The following SFPQ variants were observed in gnomAD, a reference collection of about 807,000 sequenced individuals.
SFPQ encodes the protein splicing factor, proline- and glutamine-rich.
A neutral mutation model predicts 72.9 loss-of-function variants in SFPQ; 11 were observed. The observed-to-expected ratio is 0.15, with a 90% CI of 0.09 to 0.25. The LOEUF is 0.25. Ranked by LOEUF, SFPQ falls within the 10% of genes least tolerant of loss-of-function variation. The probability of loss-of-function intolerance (pLI) is 1.00; values close to 1 mark genes in which losing one functional copy is unlikely to be tolerated. For synonymous variants in SFPQ, 506 were observed against 367.3 expected (o/e 1.38, Z -4.32); for missense variants, 847 against 993.3 (o/e 0.85, Z 1.98).
rs1640081435 is a variant in SFPQ, at chr1:35,192,584, C to A, written c.466G>T (p.Ala156Ser). ...GCCCCGGGAGGGGCCGAGGTGACTG[C>A]AGGCGGCGGGGTCGGAGTCGGGCCT... is the stretch of plus-strand genomic sequence containing the variant. ...GPGPTPTPPPAVTSAPPGAPP... is the reference protein window; with the variant it reads ...GPGPTPTPPPSVTSAPPGAPP... Residue 156 changes from alanine to serine, a missense_variant, in exon 1 of 10, where the codon GCA becomes TCA. Coordinates refer to ENST00000357214, the MANE Select transcript of SFPQ (RefSeq NM_005066.3). 1 of 1,337,272 alleles carries A rather than the reference C, an allele frequency of 7.5e-7. No individual in the cohort carries two copies. Among genetic ancestry groups the A allele is most frequent in the Non-Finnish European group, 9.5e-7 (1 of 1,050,432 alleles). 82.8% of individuals were successfully genotyped at this position (1,337,272 alleles called of 1,614,324 possible).
rs1640084294 is a variant in SFPQ, at chr1:35,192,617, A to C, written c.433T>G (p.Ser145Ala). ...GGGGTCGGAGTCGGGCCTGGCCCGG[A>C]CCCTGGCGGGGCCCCCGAGGTTGGT... ...TPPTSGAPPG[S>A]GPGPTPTPPP... Residue 145 changes from serine (S) to alanine (A), a missense_variant, in exon 1 of 10, where the codon TCC becomes GCC. Physicochemically the swap from Ser to Ala is moderately conservative, Grantham distance 99. Transcript: ENST00000357214. 1 of 1,368,376 alleles carries C rather than the reference A, an allele frequency of 7.3e-7. No individual in the cohort carries two copies. The highest frequency in any genetic ancestry group is 1.5e-5 in the African/African-American group (1 of 64,946). The allele number at this position is 1,368,376 out of a possible 1,614,324, so 84.8% of individuals were successfully genotyped here.
chr1:35,192,258 G>A lies in SFPQ; in HGVS notation c.792C>T (p.Pro264=), dbSNP rs969006575. Reference sequence around the variant, plus strand: ...AGATCTTCTCCTCGCTGCGGCCGCCGGGCCCGCCGGGCGGGGGCCCCTGGT... The same window carrying A: ...AGATCTTCTCCTCGCTGCGGCCGCCAGGCCCGCCGGGCGGGGGCCCCTGGT... ...QHHQGPPPGG[P]GGRSEEKISD... The change falls in exon 1 of 10, where the codon CCC becomes CCT. Residue 264 remains proline (P), a synonymous_variant. Transcript: ENST00000357214. 12 of 1,463,076 alleles carry A rather than the reference G, an allele frequency of 8.2e-6. No homozygotes were observed. Among genetic ancestry groups the A allele is most frequent in the East Asian group, 6.2e-5 (2 of 32,454 alleles). The allele number at this position is 1,463,076 out of a possible 1,614,324, so 90.6% of individuals were successfully genotyped here. A position where few individuals can be genotyped will look rare whatever the true frequency, so the allele number is the denominator to read the frequency against.
intron 9 of SFPQ, among the ~76,000 whole-genome samples, chr1:35,185,941 A>G (rs1401260381): frequency 6.6e-6 from 1 of 152,242 alleles, no homozygotes; most frequent in Non-Finnish European, 1.5e-5. Context: ...TAGATTTTAC[A>G]CATTACCTAA....
At chr1:35,179,270 A>G (rs917465561), downstream of SFPQ, 92 of 1,060,336 alleles carry the variant, frequency 8.7e-5, no homozygotes, top group Non-Finnish European at 1.0e-4. Context: ...CATTAAGGTT[A>G]AAAGTCCAAA....
chr1:35,184,249 AG>A lies in SFPQ; in HGVS notation c.*206del, dbSNP rs1639607307. On this transcript the variant is annotated 3_prime_UTR_variant, in exon 10 of 10. Transcript: ENST00000357214. ...TTATACAGTAAAAAAGAAAAAATAA[AG>A]AAATAAAAAGGAAAAAAAAATTCTC... 3 of 1,337,770 alleles carry A rather than the reference AG, an allele frequency of 2.2e-6. No individual in the cohort carries two copies. The highest frequency in any genetic ancestry group is 2.8e-6 in the Non-Finnish European group (3 of 1,053,102). The allele number at this position is 1,337,770 out of a possible 1,614,324, so 82.9% of individuals were successfully genotyped here.
In SFPQ at chr1:35,192,750, C is replaced by T. The variant is rs562788087; in HGVS notation, c.300G>A (p.Pro100=). ...GCTTGGAAGAGTCCTGCGGCGGTGG[C>T]GGCGGCTGCTGCTGCTGATGCGGCT... ...HPQPHQQQQP[P]PPPQDSSKPV... The change falls in exon 1 of 10, where the codon CCG becomes CCA. Residue 100 remains proline (P), a synonymous_variant. Transcript: ENST00000357214. 75 of 1,494,346 alleles carry T rather than the reference C, an allele frequency of 5.0e-5. 1 individual carries two copies. In the East Asian group the frequency reaches 1.7e-3, roughly 34 times the overall value. The allele number at this position is 1,494,346 out of a possible 1,614,324, so 92.6% of individuals were successfully genotyped here. A position where few individuals can be genotyped will look rare whatever the true frequency, so the allele number is the denominator to read the frequency against.
downstream of SFPQ, chr1:35,181,201 T>C (rs1639451493): frequency 2.8e-6 from 3 of 1,065,364 alleles, no homozygotes; most frequent in African/African-American, 1.6e-5. Flanking sequence ...CTAATGTCCA[T>C]TGCCATTTGC....
Position 35,187,198 on chromosome 1 carries a change from C to G in SFPQ, c.1864+5G>C, listed in dbSNP as rs764864655. ...TTATATCATTAATTTAAATTTCACACTTACCTCCCATGTTCATTGCTCCTC... is the reference window on the plus strand; with the variant it reads ...TTATATCATTAATTTAAATTTCACAGTTACCTCCCATGTTCATTGCTCCTC... On this transcript the variant is annotated splice_donor_5th_base_variant and intron_variant, in intron 8 of 9. Transcript: ENST00000357214. 1.9e-6 allele frequency: 3 copies of G among 1,614,002 alleles called. No individual in the cohort carries two copies. In the African/African-American group the frequency reaches 4.0e-5, roughly 22 times the overall value.
At chr1:35,179,368 T>G (rs1639374702), downstream of SFPQ, 1 of 1,057,138 alleles carries the variant, frequency 9.5e-7, no homozygotes, top group Non-Finnish European at 1.1e-6. Flanking sequence ...GAGCACCCAT[T>G]GCATTTCTTT....
chr1:35,184,180 G>A lies in SFPQ; in HGVS notation c.*276C>T. 4 of 1,164,958 alleles carry A rather than the reference G, an allele frequency of 3.4e-6. No individual in the cohort carries two copies. The highest frequency in any genetic ancestry group is 2.1e-6 in the Non-Finnish European group (2 of 946,746). 72.2% of individuals were successfully genotyped at this position (1,164,958 alleles called of 1,614,324 possible). ...AAAAAAAAAAAATTGGTACACTTTG[G>A]AAATTCAGTGGCACAAGGTACACTG... On this transcript the variant is annotated 3_prime_UTR_variant, in exon 10 of 10. Coordinates refer to ENST00000357214, the MANE Select transcript of SFPQ (RefSeq NM_005066.3).
At chr1:35,179,699 A>G, downstream of SFPQ, 1 of 1,057,188 alleles carries the variant, frequency 9.5e-7, no homozygotes, top group African/African-American at 1.6e-5. Context: ...GAAAGTGAAC[A>G]GGGTAAGGCA....
downstream of SFPQ, chr1:35,180,658 A>G: frequency 9.5e-7 from 1 of 1,054,228 alleles, no homozygotes; most frequent in African/African-American, 1.7e-5. Flanking sequence ...CTGTACTTTT[A>G]GTTCAACTCA....
In SFPQ at chr1:35,188,077, G is replaced by T. The variant is rs770409848; in HGVS notation, c.1711C>A (p.Arg571=). Residue 571 remains arginine (R), a synonymous_variant, in exon 7 of 10, where the codon CGA becomes AGA. Transcript: ENST00000357214. ...KEMQLRQEEE[R]RRREEEMMIR... The stretch of plus-strand genomic sequence containing the variant: ...ATCATCTCTTCCTCTCTTCTACGTC[G>T]TTCCTCCTCTTGCCTAGAAATACCC... The T allele has an allele frequency of 6.2e-7, 1 of 1,612,486 alleles. No homozygotes were observed.
In SFPQ at chr1:35,183,438, T is replaced by G. The variant is rs968686818; in HGVS notation, c.*1018A>C. On this transcript the variant is annotated 3_prime_UTR_variant, in exon 10 of 10. Transcript: ENST00000357214. ...TTCACCATGTTGGCCAGGCTGGTCT[T>G]GAACTCCTGATCTCATGATTTGCCC... 4.3e-6 allele frequency: 2 copies of G among 460,074 alleles called. No individual in the cohort carries two copies. Among genetic ancestry groups the G allele is most frequent in the Non-Finnish European group, 5.8e-6 (2 of 343,766 alleles). The allele number at this position is 460,074 out of a possible 1,614,324, so 28.5% of individuals were successfully genotyped here.
Position 35,187,116 on chromosome 1 carries a change from T to C in SFPQ, c.1871A>G (p.Tyr624Cys), listed in dbSNP as rs778728322. ...GGGAMNMGDP[Y>C]GSGGQKFPPL... is the part of the protein sequence containing the mutation. ...TGGAAATTTCTGGCCTCCTGAACCA[T>C]AGGGATCTAGAAAACAAAAATAGTG... Residue 624 changes from tyrosine to cysteine, a missense_variant, in exon 9 of 10, where the codon TAT becomes TGT. Coordinates refer to ENST00000357214, the MANE Select transcript of SFPQ (RefSeq NM_005066.3). The C allele has an allele frequency of 1.1e-5, 17 of 1,613,944 alleles. No individual in the cohort carries two copies. Among genetic ancestry groups the C allele is most frequent in the South Asian group, 2.2e-5 (2 of 91,076 alleles).
chr1:35,177,926 A>G, intron 4 of SFPQ: 4 of 757,028 alleles, frequency 5.3e-6, no homozygotes, highest in Non-Finnish European at 7.0e-6. Flanking sequence ...CACATATCTA[A>G]ATGAAATTAT....
At position 35,191,534 on chromosome 1, in the gene SFPQ, T is replaced by C. The variant is rs759721576; in HGVS notation, c.829-5A>G. ...AGACAAATTGGCTTTAAACCCCTAA[T>C]GAAAAAGGAAAGAAGTTTTCAAACA... On this transcript the variant is annotated splice_polypyrimidine_tract_variant and splice_region_variant and intron_variant, in intron 1 of 9. Transcript: ENST00000357214. 8 of 1,602,446 alleles carry C rather than the reference T, an allele frequency of 5.0e-6. No individual in the cohort carries two copies. The East Asian group carries it at 6.7e-5, about 13-fold the overall frequency.
At chr1:35,180,332 T>C (rs946202838), downstream of SFPQ, 1 of 1,046,190 alleles carries the variant, frequency 9.6e-7, no homozygotes, top group Non-Finnish European at 1.2e-6. Flanking sequence ...TTAGGTTTTC[T>C]TGTAAACATT....
downstream of SFPQ, chr1:35,177,996 G>C: frequency 7.8e-7 from 1 of 1,274,320 alleles, no homozygotes; most frequent in Non-Finnish European, 1.0e-6. Flanking sequence ...TACTTCATGT[G>C]AATGAGCACT....
Sources: allele counts gnomAD v4.1 joint callset (sites outside exome capture counted in the v4.1 genomes callset), GRCh38; gene constraint gnomAD v4.1.1; transcripts MANE v1.5; gene names NCBI Gene and HGNC (gene_info 2026-07-23, HGNC 2026-07-21).